Variants in RESF1 observed in about 807,000 individuals in gnomAD.
The protein encoded by RESF1 is retroelement silencing factor 1.
Under a neutral mutation model 134.7 loss-of-function variants are expected in RESF1, and 65 were observed. The ratio of observed to expected loss-of-function variants is 0.48; its 90% CI spans 0.40 to 0.59. The LOEUF (loss-of-function observed/expected upper bound fraction) is 0.59, where lower values mean the gene tolerates loss of function less well. Ranked by LOEUF, RESF1 falls within the 20% of genes least tolerant of loss-of-function variation. RESF1 has a pLI of 0.00. For synonymous variants in RESF1, 762 were observed against 702.2 expected, an observed-to-expected ratio of 1.09 and a Z score of -1.35; for missense variants, 2,274 against 2,002.7, an observed-to-expected ratio of 1.14 and a Z score of -2.59.
Position 31,982,489 on chromosome 12 carries a change from A to C in RESF1, c.1534A>C (p.Lys512Gln), listed in dbSNP as rs766399517. 6.2e-7 allele frequency: 1 copy of C among 1,613,688 alleles called. No individual in the cohort carries two copies. The highest frequency in any genetic ancestry group is 8.5e-7 in the Non-Finnish European group (1 of 1,180,016). Residue 512 changes from lysine (K) to glutamine (Q), a missense_variant, in exon 4 of 6, where the codon AAG becomes CAG. Transcript: ENST00000312561. ...SVLPNPVYSE[K>Q]RPMPDSSHDV... ...TTTACCAAATCCTGTCTATTCTGAA[A>C]AGCGGCCAATGCCAGACTCATCTCA... is the stretch of plus-strand genomic sequence containing the variant.
At chr12:31,974,560 C>T (rs1939588163) in intron 3 of RESF1, among the ~76,000 whole-genome samples, 1 of 152,056 alleles carries the variant, frequency 6.6e-6, no homozygotes, top group African/African-American at 2.4e-5. Context: ...GCTGGTGTCC[C>T]TCTTCCTATG....
intron 4 of RESF1, among the ~76,000 whole-genome samples, chr12:31,986,892 A>G (rs1939984688): frequency 6.6e-6 from 1 of 152,162 alleles, no homozygotes; most frequent in African/African-American, 2.4e-5. Context: ...AGGTTCTTTC[A>G]TTTGGATCCT....
At chr12:31,977,211 G>A (rs566525719) in intron 3 of RESF1, among the ~76,000 whole-genome samples, 91 of 152,118 alleles carry the variant, frequency 6.0e-4, no homozygotes, top group African/African-American at 2.1e-3. Context: ...ATGGAGTTTC[G>A]CTTTTGTTGC....
In RESF1 at chr12:31,960,849, A is replaced by G. The variant is rs1291216097; in HGVS notation, c.-269A>G. 2 of 152,222 alleles carry G rather than the reference A, an allele frequency of 1.3e-5. No individual in the cohort carries two copies. Among genetic ancestry groups the G allele is most frequent in the Non-Finnish European group, 2.9e-5 (2 of 68,034 alleles). 9.4% of individuals were successfully genotyped at this position (152,222 alleles called of 1,614,324 possible). A position where few individuals can be genotyped will look rare whatever the true frequency, so the allele number is the denominator to read the frequency against. ...GGAAATGGGAATGTACACGATAATT[A>G]AAGAGTAAAGTTGTGCTCAACGGTA... is the stretch of plus-strand genomic sequence containing the variant. On this transcript the variant is annotated 5_prime_UTR_variant, in exon 2 of 6. Transcript: ENST00000312561.
chr12:31,982,053 A>G lies in RESF1; in HGVS notation c.1098A>G (p.Gln366=). 6.2e-7 allele frequency: 1 copy of G among 1,614,142 alleles called. No individual in the cohort carries two copies. Among genetic ancestry groups the G allele is most frequent in the Non-Finnish European group, 8.5e-7 (1 of 1,180,026 alleles). ...TGGATGGTGTTCAGACTCTTGCTCA[A>G]ACTAATGAAGAGAAAATAATGGATT... The part of the protein sequence containing the change: ...SSVDGVQTLA[Q]TNEEKIMDSC... Residue 366 remains glutamine (Q), a synonymous_variant, in exon 4 of 6, where the codon CAA becomes CAG. Transcript: ENST00000312561.
At chr12:31,990,522 A>T (rs900706008) in intron 5 of RESF1, among the ~76,000 whole-genome samples, 5 of 152,158 alleles carry the variant, frequency 3.3e-5, no homozygotes, top group African/African-American at 1.2e-4. Context: ...ACCTAGGCTC[A>T]CTGCAACCTC....
At chr12:31,971,542 CAT>C (rs1166494352) in intron 3 of RESF1, among the ~76,000 whole-genome samples, 1 of 152,196 alleles carries the variant, frequency 6.6e-6, no homozygotes, top group East Asian at 1.9e-4. Flanking sequence ...GAAACAATAA[CAT>C]ATAGTTGGAT....
At chr12:31,977,801 CTTTTTTTTTT>C in intron 3 of RESF1, among the ~76,000 whole-genome samples, 1 of 124,368 alleles carries the variant, frequency 8.0e-6, no homozygotes, top group Non-Finnish European at 1.7e-5. Flanking sequence ...TTCTTTCTTT[CTTTTTTTTTT>C]TTTTTTTTTT....
Position 31,967,103 on chromosome 12 carries a change from G to A in RESF1, c.-246-3086G>A, listed in dbSNP as rs571629126. Among the ~76,000 whole-genome samples the A allele has an allele frequency of 6.1e-4, 93 of 152,278 alleles. 1 individual carries two copies. In the Middle Eastern group the frequency reaches 0.01, roughly 17 times the overall value. Reference sequence around the variant, plus strand: ...ATTGTGCATAGGACTTTACCACCTTGGGGGGTATACTTGCTGGCTATAAAA... The same window carrying A: ...ATTGTGCATAGGACTTTACCACCTTAGGGGGTATACTTGCTGGCTATAAAA... On this transcript the variant is annotated intron_variant, in intron 2 of 5. Transcript: ENST00000312561.
intron 3 of RESF1, among the ~76,000 whole-genome samples, chr12:31,976,612 G>A (rs1939639439): frequency 1.3e-5 from 2 of 152,140 alleles, no homozygotes; most frequent in South Asian, 4.2e-4. Flanking sequence ...GAACCCAGGA[G>A]GCAGAGGTTG....
intron 2 of RESF1, 87 bp downstream of exon 2, chr12:31,960,958 A>G (rs1400313883): frequency 6.6e-6 from 1 of 152,242 alleles, no homozygotes; most frequent in Admixed American, 6.5e-5. Flanking sequence ...CTATTACCGA[A>G]TAAAATTACT....
In RESF1 at chr12:31,984,286, T is replaced by C. The variant is rs1204832715; in HGVS notation, c.3331T>C (p.Ser1111Pro). The change falls in exon 4 of 6, where the codon TCA becomes CCA. Residue 1111 changes from serine (S) to proline (P), a missense_variant. Coordinates refer to ENST00000312561, the MANE Select transcript of RESF1 (RefSeq NM_018169.4). ...ADQIQITILS[S>P]EQMKEIFPEQ... is the part of the protein sequence containing the mutation. ...TCAAATACAAATTACAATATTAAGCTCAGAGCAAATGAAAGAAATATTTCC... is the reference window on the plus strand; with the variant it reads ...TCAAATACAAATTACAATATTAAGCCCAGAGCAAATGAAAGAAATATTTCC... The C allele has an allele frequency of 6.2e-7, 1 of 1,613,730 alleles. No homozygotes were observed. The highest frequency in any genetic ancestry group is 8.5e-7 in the Non-Finnish European group (1 of 1,179,958).
chr12:31,980,111 T>C (rs1361431415), intron 3 of RESF1, among the ~76,000 whole-genome samples: 1 of 132,780 alleles, frequency 7.5e-6, no homozygotes, highest in Non-Finnish European at 1.5e-5. Context: ...TCTTTTCCTT[T>C]TTTTTTTTTT....
intron 3 of RESF1, among the ~76,000 whole-genome samples, chr12:31,972,261 G>A (rs1395279559): frequency 2.0e-5 from 3 of 152,116 alleles, no homozygotes; most frequent in South Asian, 2.1e-4. Context: ...ACAGCTGGTC[G>A]GTCGGAAGCA....
intron 3 of RESF1, among the ~76,000 whole-genome samples, chr12:31,973,622 G>GT (rs1240909505): frequency 1.3e-5 from 2 of 152,026 alleles, no homozygotes; most frequent in Non-Finnish European, 2.9e-5. Context: ...GGTCGTTCCG[G>GT]AGTGCTTTTC....
At chr12:31,979,538 A>G (rs1050958931) in intron 3 of RESF1, among the ~76,000 whole-genome samples, 3 of 151,694 alleles carry the variant, frequency 2.0e-5, no homozygotes, top group Non-Finnish European at 4.4e-5. Context: ...CTCAATGTTC[A>G]AGAGTTTTGT....
intron 2 of RESF1, among the ~76,000 whole-genome samples, chr12:31,969,593 G>A (rs1939465294): frequency 6.6e-6 from 1 of 152,128 alleles, no homozygotes; most frequent in South Asian, 2.1e-4. Context: ...AGCAGACCTG[G>A]CCACCATGCC....
intron 2 of RESF1, among the ~76,000 whole-genome samples, chr12:31,963,766 C>G (rs2120756562): frequency 6.6e-6 from 1 of 152,280 alleles, no homozygotes; most frequent in South Asian, 2.1e-4. Flanking sequence ...TAATCTACTT[C>G]TGTAGGTTTG....
At position 31,982,002 on chromosome 12, in the gene RESF1, T is replaced by C. The variant is rs776174334; in HGVS notation, c.1047T>C (p.Pro349=). ...NLKVNTNSKQ[P]FNSPIRSSVD... ...AAGTAAATACCAACAGCAAACAGCC[T>C]TTTAACAGTCCCATTAGATCTTCTG... The change falls in exon 4 of 6, where the codon CCT becomes CCC. Residue 349 remains proline, a synonymous_variant. Transcript: ENST00000312561. 6.2e-7 allele frequency: 1 copy of C among 1,614,174 alleles called. No individual in the cohort carries two copies. The highest frequency in any genetic ancestry group is 2.2e-5 in the East Asian group (1 of 44,876).
Sources: allele counts gnomAD v4.1 joint callset (sites outside exome capture counted in the v4.1 genomes callset), GRCh38; gene constraint gnomAD v4.1.1; transcripts MANE v1.5; gene names NCBI Gene and HGNC (gene_info 2026-07-23, HGNC 2026-07-21).